The following UHRF1 variants were observed in gnomAD, a reference collection of about 807,000 sequenced individuals.
UHRF1 encodes ubiquitin like with PHD and ring finger domains 1.
Under a neutral mutation model 96.5 loss-of-function variants are expected in UHRF1, and 9 were observed. The observed-to-expected ratio is 0.09, with a 90% CI of 0.06 to 0.16. The LOEUF is 0.16. Among genes scored for constraint, UHRF1 ranks in the 10% least tolerant of loss-of-function variants. The pLI is 1.00. For missense variants in UHRF1, 626 were observed against 1,131.1 expected (o/e 0.55, Z 6.40); for synonymous variants, 455 against 469.9 (o/e 0.97, Z 0.41).
At chr19:4,944,629 C>G (rs1469689761) in intron 9 of UHRF1, among the ~76,000 whole-genome samples, 179 bp downstream of exon 9, 2 of 152,172 alleles carry the variant, frequency 1.3e-5, no homozygotes, top group Non-Finnish European at 2.9e-5. Flanking sequence ...TACCAGGGAC[C>G]TGCAATGAAT....
At chr19:4,944,286 C>T (rs754299599) in intron 8 of UHRF1, 31 bp downstream of exon 8, 3 of 1,613,886 alleles carry the variant, frequency 1.9e-6, no homozygotes, top group East Asian at 2.2e-5. Flanking sequence ...GTGCCCGTGG[C>T]CCCTCCCCGC....
chr19:4,952,249 C>T (rs963857974), intron 13 of UHRF1, among the ~76,000 whole-genome samples: 12 of 151,788 alleles, frequency 7.9e-5, no homozygotes, highest in Admixed American at 2.0e-4. Flanking sequence ...CCCACCACCA[C>T]GCCTGGCTCA....
chr19:4,960,333 G>A (rs1323198565), intron 16 of UHRF1, among the ~76,000 whole-genome samples: 1 of 152,212 alleles, frequency 6.6e-6, no homozygotes, highest in South Asian at 2.1e-4. Flanking sequence ...GGGGTGAGGG[G>A]ATGGGACTGC....
chr19:4,960,937 CTTTTT>C lies in UHRF1; in HGVS notation c.*141_*145del, dbSNP rs146145010. ...CCGTTCCCTAAAAAGGTTTGTCTTC[CTTTTT>C]TTTTTTATTTTTATTTTTCAAATCT... On this transcript the variant is annotated 3_prime_UTR_variant, in exon 17 of 17. Transcript: ENST00000650932. 2.5e-6 allele frequency: 1 copy of C among 394,410 alleles called. No individual in the cohort carries two copies. Among genetic ancestry groups the C allele is most frequent in the Non-Finnish European group, 4.3e-6 (1 of 232,276 alleles). 24.4% of individuals were successfully genotyped at this position (394,410 alleles called of 1,614,324 possible). A position where few individuals can be genotyped will look rare whatever the true frequency, so the allele number is the denominator to read the frequency against.
chr19:4,921,122 C>CA (rs2032687446), intron 2 of UHRF1, among the ~76,000 whole-genome samples: 1 of 143,228 alleles, frequency 7.0e-6, no homozygotes, highest in Admixed American at 7.1e-5. Flanking sequence ...GACTCCGTCT[C>CA]AAAAAAGAAA....
chr19:4,925,476 G>C (rs1306792194), intron 2 of UHRF1, among the ~76,000 whole-genome samples: 2 of 152,122 alleles, frequency 1.3e-5, no homozygotes, highest in African/African-American at 4.8e-5. Flanking sequence ...TCACAGCCTT[G>C]CTCCTTTTCA....
rs182946132 is a variant in UHRF1 at position 4,932,711 on chromosome 19, C to T, written c.570-30C>T. The T allele has an allele frequency of 1.2e-5, 19 of 1,609,576 alleles. No individual in the cohort carries two copies. The East Asian group carries it at 1.3e-4, about 11-fold the overall frequency. The stretch of plus-strand genomic sequence containing the variant: ...GAGGGAAGGAGGCTTGGTCTTAGCA[C>T]GGGGTCTAAGGCCCGGGCTTTCCTC... On this transcript the variant is annotated intron_variant, in intron 4 of 16. Transcript: ENST00000650932.
At chr19:4,932,540 AG>A in intron 4 of UHRF1, 200 bp from the exon 5 acceptor site, 1 of 601,218 alleles carries the variant, frequency 1.7e-6, no homozygotes. Flanking sequence ...CTCTTTTTGC[AG>A]GGGACACGGG....
chr19:4,957,332 A>T (rs1347078964), intron 16 of UHRF1, among the ~76,000 whole-genome samples: 1 of 121,016 alleles, frequency 8.3e-6, no homozygotes, highest in African/African-American at 3.3e-5. Context: ...TTTCTGAGAC[A>T]GAGTCTCGCT....
chr19:4,948,535 A>G (rs1272035880), intron 11 of UHRF1, among the ~76,000 whole-genome samples: 1 of 152,200 alleles, frequency 6.6e-6, no homozygotes. Context: ...GCGGTGGCTC[A>G]CGCCTGTAAT....
At chr19:4,904,446 T>C (rs918444499) in intron 1 of UHRF1, among the ~76,000 whole-genome samples, 2 of 152,206 alleles carry the variant, frequency 1.3e-5, no homozygotes, top group African/African-American at 2.4e-5. Context: ...CCCAAAGTGC[T>C]GGGATTACAG....
chr19:4,904,283 A>G (rs1260431614), intron 1 of UHRF1, among the ~76,000 whole-genome samples: 1 of 151,766 alleles, frequency 6.6e-6, no homozygotes, highest in Non-Finnish European at 1.5e-5. Flanking sequence ...TGTTCATGCC[A>G]TTCTCCTGCC....
intron 2 of UHRF1, among the ~76,000 whole-genome samples, chr19:4,926,075 T>G (rs1186908473): frequency 6.6e-6 from 1 of 151,704 alleles, no homozygotes; most frequent in Non-Finnish European, 1.5e-5. Context: ...TTTTGTATTT[T>G]TAGTAGAGAC....
chr19:4,957,589 T>G (rs2033892101), intron 16 of UHRF1, among the ~76,000 whole-genome samples: 1 of 152,144 alleles, frequency 6.6e-6, no homozygotes, highest in Non-Finnish European at 1.5e-5. Flanking sequence ...ATTACAGGTG[T>G]AAGCCACCGC....
chr19:4,933,050 T>G, intron 5 of UHRF1, 94 bp downstream of exon 5: 23 of 1,318,650 alleles, frequency 1.7e-5, no homozygotes, highest in Non-Finnish European at 2.0e-5. Flanking sequence ...GCCAGCGCTG[T>G]GTGTGCGAGG....
upstream of UHRF1, among the ~76,000 whole-genome samples, chr19:4,906,210 C>T (rs112512669): frequency 0.014 from 2,096 of 152,144 alleles, 41 homozygotes; most frequent in African/African-American, 0.048. Flanking sequence ...AACTCCCGGG[C>T]GCAAGAGATC....
At chr19:4,941,983 C>T in intron 7 of UHRF1, 52 bp downstream of exon 7, 2 of 1,431,718 alleles carry the variant, frequency 1.4e-6, no homozygotes, top group Non-Finnish European at 1.8e-6. Context: ...CCTACAAATC[C>T]CCAGAGGGGC....
At chr19:4,921,625 C>T (rs1831882738) in intron 2 of UHRF1, among the ~76,000 whole-genome samples, 1 of 151,986 alleles carries the variant, frequency 6.6e-6, no homozygotes, top group Admixed American at 6.6e-5. Context: ...ACGTGATGGC[C>T]CATGCCTGTA....
At chr19:4,914,341 C>T (rs1412843739) in intron 2 of UHRF1, among the ~76,000 whole-genome samples, 2 of 152,164 alleles carry the variant, frequency 1.3e-5, no homozygotes, top group African/African-American at 4.8e-5. Flanking sequence ...CAACACAGTT[C>T]CCGGTGGGCA....
Sources: gnomAD v4.1 joint callset for allele counts (sites outside exome capture counted in the v4.1 genomes callset) on GRCh38, gnomAD v4.1.1 for gene constraint, MANE v1.5 for transcripts, NCBI Gene and HGNC (gene_info 2026-07-23, HGNC 2026-07-21) for gene names.